PRDM1: variants seen among roughly 807,000 people sequenced by gnomAD.
PRDM1 encodes the protein PR domain zinc finger protein 1.
A neutral mutation model predicts 62.8 loss-of-function variants in PRDM1; 13 were observed. That is an observed-to-expected ratio of 0.21 (90% CI 0.13 to 0.33). The LOEUF (loss-of-function observed/expected upper bound fraction) is 0.33. Ranked by LOEUF, PRDM1 falls within the 10% of genes least tolerant of loss-of-function variation. The probability of loss-of-function intolerance (pLI) is 1.00; values close to 1 mark genes in which losing one functional copy is unlikely to be tolerated. For synonymous variants in PRDM1, 396 were observed against 417.6 expected, an observed-to-expected ratio of 0.95 and a Z score of 0.63; for missense variants, 895 against 1,058.8, an observed-to-expected ratio of 0.85 and a Z score of 2.15.
At chr6:106,075,625 A>G (rs1773593739) in intron 1 of PRDM1, among the ~76,000 whole-genome samples, 2 of 152,202 alleles carry the variant, frequency 1.3e-5, no homozygotes, top group South Asian at 2.1e-4. Flanking sequence ...ATCTATCACC[A>G]TCAGATGCTT....
intron 1 of PRDM1, among the ~76,000 whole-genome samples, chr6:105,995,242 G>C (rs1010424914): frequency 8.6e-5 from 13 of 151,898 alleles, no homozygotes; most frequent in African/African-American, 3.1e-4. Context: ...GTTCCCTTTG[G>C]GATCAATGAT....
chr6:105,998,890 C>CATATAT (rs202209129), intron 1 of PRDM1, among the ~76,000 whole-genome samples: 46 of 100,178 alleles, frequency 4.6e-4, no homozygotes, highest in East Asian at 8.6e-4. Context: ...AAAGTTAATA[C>CATATAT]ATATATATAT....
chr6:106,031,743 A>C (rs368948388), intron 1 of PRDM1, among the ~76,000 whole-genome samples: 21 of 152,300 alleles, frequency 1.4e-4, no homozygotes, highest in East Asian at 5.8e-4. Context: ...AGTGTGTGGG[A>C]AGAGGTGCCA....
chr6:106,033,228 C>T lies in PRDM1; in HGVS notation c.-67+39589C>T, dbSNP rs533169242. On this transcript the variant is annotated intron_variant, in intron 1 of 6. Transcript: ENST00000652320. ...AATCATAGCTCACTGTAATCTGTAA[C>T]TCCTGGGCCCAAGTGATACCCCACC... Among the ~76,000 whole-genome samples the T allele has an allele frequency of 2.6e-5, 4 of 152,116 alleles. No individual in the cohort carries two copies. In the East Asian group the frequency reaches 7.7e-4, roughly 29 times the overall value.
At position 106,062,122 on chromosome 6, in the gene PRDM1, C is replaced by T. The variant is rs561098873; in HGVS notation, c.-67+13408C>T. On this transcript the variant is annotated intron_variant, in intron 1 of 6. Coordinates refer to the PRDM1 transcript ENST00000651185. ...AATTGTAAAAAAATCTTTTAGACCC[C>T]ACTGTCTACATGGCTTGTTTTGATA... 8.5e-5 allele frequency among the ~76,000 whole-genome samples: 13 copies of T among 152,306 alleles called. No homozygotes were observed. The South Asian group carries it at 2.5e-3, about 29-fold the overall frequency.
rs1774552966 is a variant in PRDM1 at position 106,107,963 on chromosome 6, G to A, written c.*477G>A. The A allele has an allele frequency of 4.3e-6, 1 of 232,518 alleles. No individual in the cohort carries two copies. Among genetic ancestry groups the A allele is most frequent in the African/African-American group, 2.2e-5 (1 of 45,214 alleles). 14.4% of individuals were successfully genotyped at this position (232,518 alleles called of 1,614,324 possible). A position where few individuals can be genotyped will look rare whatever the true frequency, so the allele number is the denominator to read the frequency against. On this transcript the variant is annotated 3_prime_UTR_variant, in exon 7 of 7. Transcript: ENST00000369096. ...TATTTTTGTCTTGTGGCCATTCTTT[G>A]TAGATAATTTCTGCACATCTGTATA...
intron 1 of PRDM1, among the ~76,000 whole-genome samples, chr6:106,041,862 T>C (rs1159378819): frequency 2.7e-5 from 4 of 148,736 alleles, no homozygotes; most frequent in African/African-American, 9.9e-5. Context: ...GGCTGGAGTA[T>C]AATGGCACTA....
chr6:105,996,608 A>T (rs1009838975), intron 1 of PRDM1, among the ~76,000 whole-genome samples: 6 of 152,194 alleles, frequency 3.9e-5, no homozygotes, highest in Admixed American at 2.0e-4. Flanking sequence ...AATATATGCC[A>T]TATTTTGAAA....
chr6:106,105,002 A>G lies in PRDM1; in HGVS notation c.842A>G (p.Asp281Gly). The G allele has an allele frequency of 6.2e-7, 1 of 1,614,088 alleles. No homozygotes were observed. Among genetic ancestry groups the G allele is most frequent in the South Asian group, 1.1e-5 (1 of 91,082 alleles). The change falls in exon 5 of 7, where the codon GAT becomes GGT. Residue 281 changes from aspartate to glycine, a missense_variant. By Grantham distance (94) the Asp-to-Gly change is moderately conservative (BLOSUM62 -1). Around this residue, in one of 4 missense-constraint regions of PRDM1, gnomAD observed 444 missense variants for 422.7 expected, o/e 1.05. Transcript: ENST00000369096. ...CCCCTCACATCAGAAAAGGACCTCG[A>G]TGACTTTAGAAGACGTGGGAGCCCC... Reference protein sequence around the residue: ...ISPLTSEKDLDDFRRRGSPEM... With the variant: ...ISPLTSEKDLGDFRRRGSPEM...
At chr6:106,080,273 T>G (rs1365567165) in intron 1 of PRDM1, among the ~76,000 whole-genome samples, 11 of 152,146 alleles carry the variant, frequency 7.2e-5, no homozygotes, top group Admixed American at 1.3e-4. Flanking sequence ...GTGTGCCTCG[T>G]GCCACTTGTT....
At chr6:106,083,391 G>A (rs6924807), upstream of PRDM1, among the ~76,000 whole-genome samples, 97,988 of 151,788 alleles carry the variant, frequency 0.65, 33,039 homozygotes, top group African/African-American at 0.84. Flanking sequence ...GGAAAAAAAA[G>A]TTCCTTTCGA....
chr6:106,026,892 A>G (rs2114563688), intron 1 of PRDM1, among the ~76,000 whole-genome samples: 1 of 152,338 alleles, frequency 6.6e-6, no homozygotes, highest in African/African-American at 2.4e-5. Flanking sequence ...AAGCAGCGCT[A>G]AATCTAAACG....
chr6:106,091,291 T>C (rs550134493), intron 2 of PRDM1, among the ~76,000 whole-genome samples: 6 of 152,336 alleles, frequency 3.9e-5, no homozygotes, highest in East Asian at 3.9e-4. Flanking sequence ...ACTCCTTTGG[T>C]GTCCATTCTG....
chr6:106,099,253 C>G (rs1237294632), intron 3 of PRDM1, 47 bp from the exon 4 acceptor site: 1 of 1,611,844 alleles, frequency 6.2e-7, no homozygotes, highest in Non-Finnish European at 8.5e-7. Flanking sequence ...TGCTGGGGAG[C>G]TTTGGGTCTG....
At chr6:106,014,724 AT>A (rs1772598330) in intron 1 of PRDM1, among the ~76,000 whole-genome samples, 1 of 151,684 alleles carries the variant, frequency 6.6e-6, no homozygotes, top group African/African-American at 2.4e-5. Context: ...ACATTTCTAA[AT>A]TTTGGATTTA....
chr6:106,083,774 T>C (rs908562643), upstream of PRDM1, among the ~76,000 whole-genome samples: 1 of 152,224 alleles, frequency 6.6e-6, no homozygotes, highest in Non-Finnish European at 1.5e-5. Context: ...GGAAATAATA[T>C]AGTGACTAAA....
Position 106,107,361 on chromosome 6 carries a change from C to T in PRDM1, c.2353C>T (p.Leu785Phe), listed in dbSNP as rs746018999. ...GCAAAGAAACATGGGGAATGGACTC[C>T]TCTCCTCAGGGTGCAGCCTTTATGA... is the stretch of plus-strand genomic sequence containing the variant. Reference protein sequence around the residue: ...SLQRNMGNGLLSSGCSLYESS... With the variant: ...SLQRNMGNGLFSSGCSLYESS... Residue 785 changes from leucine (L) to phenylalanine (F), a missense_variant, in exon 7 of 7, where the codon CTC (leucine) becomes TTC (phenylalanine). This residue lies in a region of PRDM1 where 164 missense variants were observed against 179.9 expected (regional missense o/e 0.91). Transcript: ENST00000369096. 4 of 1,614,176 alleles carry T rather than the reference C, an allele frequency of 2.5e-6. No homozygotes were observed. Among genetic ancestry groups the T allele is most frequent in the East Asian group, 4.5e-5 (2 of 44,884 alleles).
At chr6:106,062,642 C>G (rs1038742844) in intron 1 of PRDM1, among the ~76,000 whole-genome samples, 3 of 152,198 alleles carry the variant, frequency 2.0e-5, no homozygotes, top group East Asian at 1.9e-4. Flanking sequence ...TTTTGAATAG[C>G]TTTCAAAGCG....
chr6:106,064,061 T>C (rs1484381283), intron 1 of PRDM1, among the ~76,000 whole-genome samples: 1 of 152,162 alleles, frequency 6.6e-6, no homozygotes, highest in South Asian at 2.1e-4. Context: ...TTTTCATAGA[T>C]GAAAGGGAGA....
Sources: gnomAD v4.1 joint callset for allele counts (sites outside exome capture counted in the v4.1 genomes callset) on GRCh38, gnomAD v4.1.1 for gene constraint, gnomAD v4.1.1 regional missense constraint, MANE v1.5 for transcripts, NCBI Gene and HGNC (gene_info 2026-07-23, HGNC 2026-07-21) for gene names.